The following NARS2 variants were observed in gnomAD, a reference collection of about 807,000 sequenced individuals.
NARS2 encodes the protein asparaginyl-tRNA synthetase 2, mitochondrial.
NARS2 carries 60 observed loss-of-function variants against 62.9 expected under a neutral mutation model. That is an observed-to-expected ratio of 0.95 (90% CI 0.77 to 1.18). The LOEUF is 1.18. Among genes scored for constraint, NARS2 ranks in the 50% most tolerant of loss-of-function variants. The probability of loss-of-function intolerance (pLI) is 0.00; values close to 1 mark genes in which losing one functional copy is unlikely to be tolerated. For missense variants in NARS2, 619 were observed against 576.4 expected, an observed-to-expected ratio of 1.07 and a Z score of -0.76; for synonymous variants, 196 against 200.0, an observed-to-expected ratio of 0.98 and a Z score of 0.17.
chr11:78,500,927 A>C (rs1254120852), intron 6 of NARS2, among the ~76,000 whole-genome samples: 1 of 152,126 alleles, frequency 6.6e-6, no homozygotes, highest in Non-Finnish European at 1.5e-5. Flanking sequence ...CCCCGTCTCT[A>C]CAAAAAATAC....
intron 7 of NARS2, among the ~76,000 whole-genome samples, chr11:78,480,084 G>C (rs1859281192): frequency 1.3e-5 from 2 of 151,934 alleles, no homozygotes; most frequent in African/African-American, 4.8e-5. Context: ...ATATTTAGTA[G>C]AGATTAGGTC....
rs373288163 is a variant in NARS2 at position 78,563,918 on chromosome 11, T to TTATTAC, written c.513+2213_513+2214insGTAATA. Among the ~76,000 whole-genome samples the TTATTAC allele has an allele frequency of 8.8e-3, 1,091 of 123,776 alleles. 12 individuals carry two copies. The highest frequency in any genetic ancestry group is 0.03 in the South Asian group (108 of 3,600). The allele number at this position is 123,776 out of a possible 152,430, so 81.2% of individuals were successfully genotyped here. A position where few individuals can be genotyped will look rare whatever the true frequency, so the allele number is the denominator to read the frequency against. ...ATTATTATTATTATTATTATTATTATTGAGATGGAATCTCGCTCTGTTGCC... is the reference window on the plus strand; with the variant it reads ...ATTATTATTATTATTATTATTATTATTATTACTGAGATGGAATCTCGCTCTGTTGCC... On this transcript the variant is annotated intron_variant, in intron 4 of 13. Transcript: ENST00000281038.
intron 6 of NARS2, among the ~76,000 whole-genome samples, chr11:78,514,927 GA>G (rs1251799752): frequency 2.6e-5 from 4 of 152,128 alleles, no homozygotes; most frequent in African/African-American, 9.7e-5. Flanking sequence ...GAATTAAGCA[GA>G]TATTTCTATT....
chr11:78,553,958 G>A (rs755768277), intron 5 of NARS2, among the ~76,000 whole-genome samples: 5 of 152,090 alleles, frequency 3.3e-5, no homozygotes, highest in South Asian at 2.1e-4. Flanking sequence ...GTCTGCATAC[G>A]GCTAGCCAGT....
At chr11:78,480,825 T>C (rs573839733) in intron 7 of NARS2, among the ~76,000 whole-genome samples, 2 of 151,958 alleles carry the variant, frequency 1.3e-5, no homozygotes, top group East Asian at 3.9e-4. Context: ...TAACTTTCTT[T>C]TTTTTTTTTC....
chr11:78,476,011 C>A (rs1403151744), intron 9 of NARS2, among the ~76,000 whole-genome samples: 2 of 152,126 alleles, frequency 1.3e-5, no homozygotes, highest in African/African-American at 2.4e-5. Flanking sequence ...AACCTATTGG[C>A]CATCTGTATC....
At chr11:78,493,438 C>T (rs541223949) in intron 6 of NARS2, among the ~76,000 whole-genome samples, 1 of 152,246 alleles carries the variant, frequency 6.6e-6, no homozygotes, top group Admixed American at 6.5e-5. Flanking sequence ...GGGAGGACTG[C>T]TTAAACTTAG....
chr11:78,545,136 C>CT (rs1248192739), intron 5 of NARS2, among the ~76,000 whole-genome samples: 1 of 152,040 alleles, frequency 6.6e-6, no homozygotes, highest in Non-Finnish European at 1.5e-5. Context: ...ACTTTTCTTT[C>CT]TTTTTTATAT....
intron 10 of NARS2, among the ~76,000 whole-genome samples, chr11:78,467,531 T>C (rs1191609375): frequency 2.6e-5 from 4 of 151,354 alleles, no homozygotes; most frequent in Admixed American, 6.6e-5. Context: ...CAGAGAGATC[T>C]TGTCTTTCAA....
chr11:78,440,706 T>A (rs1009286347), intron 13 of NARS2, among the ~76,000 whole-genome samples: 5 of 151,896 alleles, frequency 3.3e-5, no homozygotes, highest in Admixed American at 2.6e-4. Context: ...CTAATTTTTT[T>A]ATTTTTAGTA....
chr11:78,520,278 C>T (rs1403615070), intron 6 of NARS2, among the ~76,000 whole-genome samples: 1 of 152,158 alleles, frequency 6.6e-6, no homozygotes, highest in Non-Finnish European at 1.5e-5. Context: ...TTCCTAGTTT[C>T]TGGTGGCTCT....
chr11:78,561,409 G>A (rs1047137579), intron 4 of NARS2, among the ~76,000 whole-genome samples: 6 of 152,222 alleles, frequency 3.9e-5, no homozygotes, highest in South Asian at 2.1e-4. Flanking sequence ...ATACTGTCCC[G>A]CAGCAAAGGG....
chr11:78,574,482 C>T lies in NARS2; in HGVS notation c.7G>A (p.Gly3Arg), dbSNP rs200640877. ML[G>R]VRCLLRSVRF... ...ACGGACCGCAGCAGGCAGCGGACCC[C>T]CAGCATCCCGCGTCCGCCCAGGCCC... Residue 3 changes from glycine to arginine, a missense_variant, in exon 1 of 14, where the codon GGG (glycine) becomes AGG (arginine). Coordinates refer to ENST00000281038, the MANE Select transcript of NARS2 (RefSeq NM_024678.6). 1.2e-6 allele frequency: 2 copies of T among 1,611,248 alleles called. No homozygotes were observed. Among genetic ancestry groups the T allele is most frequent in the Admixed American group, 1.7e-5 (1 of 59,696 alleles).
chr11:78,519,465 T>C (rs542908807), intron 6 of NARS2, among the ~76,000 whole-genome samples: 1 of 152,338 alleles, frequency 6.6e-6, no homozygotes, highest in East Asian at 1.9e-4. Context: ...AATAGCCATT[T>C]TTACAAGTTG....
intron 6 of NARS2, among the ~76,000 whole-genome samples, chr11:78,512,894 A>G (rs1860768467): frequency 6.6e-6 from 1 of 152,186 alleles, no homozygotes; most frequent in South Asian, 2.1e-4. Flanking sequence ...TTGGGTATCC[A>G]TTTCCTCAAG....
chr11:78,550,684 A>C (rs1590851249), intron 5 of NARS2, among the ~76,000 whole-genome samples: 1 of 152,232 alleles, frequency 6.6e-6, no homozygotes, highest in Admixed American at 6.5e-5. Flanking sequence ...ATAGCTTGGC[A>C]GTTTTTAAAA....
intron 5 of NARS2, among the ~76,000 whole-genome samples, chr11:78,534,746 G>GT (rs1404708609): frequency 6.6e-6 from 1 of 152,182 alleles, no homozygotes; most frequent in Non-Finnish European, 1.5e-5. Context: ...GGGAATAGCA[G>GT]TTACTCAGTA....
intron 1 of NARS2, among the ~76,000 whole-genome samples, chr11:78,572,327 CTT>C (rs995280184): frequency 2.0e-5 from 3 of 152,160 alleles, no homozygotes; most frequent in Non-Finnish European, 4.4e-5. Context: ...ATCAGAAAAA[CTT>C]AACGAAGTGG....
chr11:78,504,263 CAAAA>C (rs1239595689), intron 6 of NARS2, among the ~76,000 whole-genome samples: 1 of 152,050 alleles, frequency 6.6e-6, no homozygotes, highest in Non-Finnish European at 1.5e-5. Context: ...GTTCCAGAAA[CAAAA>C]AACAAGTCTC....
Sources: allele counts gnomAD v4.1 joint callset (sites outside exome capture counted in the v4.1 genomes callset), GRCh38; gene constraint gnomAD v4.1.1; transcripts MANE v1.5; gene names NCBI Gene and HGNC (gene_info 2026-07-23, HGNC 2026-07-21).